Variants in CALN1 observed in about 807,000 individuals in gnomAD.
The protein encoded by CALN1 is calcium-binding protein 8.
A neutral mutation model predicts 30.6 loss-of-function variants in CALN1; 17 were observed. The ratio of observed to expected loss-of-function variants is 0.56; its 90% CI spans 0.38 to 0.83. The LOEUF is 0.83. CALN1 is among the 40% of genes least tolerant of loss of function. The pLI is 0.00. For synonymous variants in CALN1, 156 were observed against 131.4 expected (o/e 1.19, Z -1.28); for missense variants, 291 against 354.9 (o/e 0.82, Z 1.45).
intron 4 of CALN1, among the ~76,000 whole-genome samples, chr7:72,093,494 T>G (rs1806009691): frequency 6.6e-6 from 1 of 152,208 alleles, no homozygotes; most frequent in South Asian, 2.1e-4. Flanking sequence ...AAGGGGATAC[T>G]AGTATCTACT....
chr7:72,203,205 G>A (rs1791563588), intron 3 of CALN1, among the ~76,000 whole-genome samples: 1 of 152,104 alleles, frequency 6.6e-6, no homozygotes, highest in South Asian at 2.1e-4. Flanking sequence ...GGCAAGGGGA[G>A]GGAGAGCATT....
intron 3 of CALN1, among the ~76,000 whole-genome samples, chr7:72,258,531 G>A (rs1440291600): frequency 6.6e-6 from 1 of 152,168 alleles, no homozygotes; most frequent in Non-Finnish European, 1.5e-5. Flanking sequence ...GTGACTTTTT[G>A]AACTCAACAT....
chr7:71,850,444 C>T (rs1297038985), intron 5 of CALN1, among the ~76,000 whole-genome samples: 1 of 152,230 alleles, frequency 6.6e-6, no homozygotes, highest in Admixed American at 6.5e-5. Flanking sequence ...TCTCGAACTC[C>T]TGACCTCAGA....
At chr7:71,852,461 A>T (rs1360247711) in intron 5 of CALN1, among the ~76,000 whole-genome samples, 2 of 134,226 alleles carry the variant, frequency 1.5e-5, no homozygotes, top group African/African-American at 6.1e-5. Context: ...TTATAGTGAG[A>T]CCCTGTCTCT....
At chr7:72,055,297 T>C (rs1339435959) in intron 4 of CALN1, among the ~76,000 whole-genome samples, 3 of 152,336 alleles carry the variant, frequency 2.0e-5, no homozygotes, top group African/African-American at 7.2e-5. Context: ...TCCATCATTT[T>C]AACCAAGCTG....
chr7:72,061,645 T>C (rs1803655091), intron 4 of CALN1, among the ~76,000 whole-genome samples: 1 of 151,828 alleles, frequency 6.6e-6, no homozygotes, highest in Non-Finnish European at 1.5e-5. Flanking sequence ...TCTCCTCTTC[T>C]TCTATGATTA....
At chr7:71,887,252 C>T (rs1792965896) in intron 5 of CALN1, among the ~76,000 whole-genome samples, 1 of 152,102 alleles carries the variant, frequency 6.6e-6, no homozygotes, top group Non-Finnish European at 1.5e-5. Flanking sequence ...AAGTCAAGTG[C>T]ACCAGGCACA....
intron 3 of CALN1, among the ~76,000 whole-genome samples, chr7:72,180,619 T>G (rs549850306): frequency 6.7e-6 from 1 of 149,182 alleles, no homozygotes; most frequent in East Asian, 2.0e-4. Context: ...TTTTTTTTTT[T>G]TTTTTAGAGA....
At chr7:72,043,006 T>C (rs1399813497) in intron 4 of CALN1, among the ~76,000 whole-genome samples, 1 of 152,150 alleles carries the variant, frequency 6.6e-6, no homozygotes. Flanking sequence ...CAAAAATTTA[T>C]AGAAATAAAC....
chr7:72,386,300 C>A (rs2129561132), intron 2 of CALN1, among the ~76,000 whole-genome samples: 1 of 152,204 alleles, frequency 6.6e-6, no homozygotes, highest in Non-Finnish European at 1.5e-5. Flanking sequence ...TGTGACAAAT[C>A]AATCTGTGTT....
chr7:71,867,067 T>C (rs558982503), intron 5 of CALN1, among the ~76,000 whole-genome samples: 90 of 151,324 alleles, frequency 5.9e-4, no homozygotes, highest in Non-Finnish European at 1.1e-3. Context: ...ATCGCTTGAA[T>C]CCGGGAGGCA....
At chr7:71,923,369 C>G (rs1377415469) in intron 5 of CALN1, among the ~76,000 whole-genome samples, 1 of 152,188 alleles carries the variant, frequency 6.6e-6, no homozygotes, top group Non-Finnish European at 1.5e-5. Context: ...GGAGAACTAG[C>G]TAGCTTGAAG....
chr7:72,138,993 A>T (rs998104629), intron 3 of CALN1, among the ~76,000 whole-genome samples: 2 of 152,202 alleles, frequency 1.3e-5, no homozygotes, highest in Non-Finnish European at 2.9e-5. Flanking sequence ...CTAGCGTTCA[A>T]TCTCAAAAAT....
chr7:71,795,319 C>T (rs547485188), intron 6 of CALN1, among the ~76,000 whole-genome samples: 1 of 152,226 alleles, frequency 6.6e-6, no homozygotes, highest in African/African-American at 2.4e-5. Context: ...TGTGCGTGCC[C>T]GGCCATCTTC....
intron 1 of CALN1, among the ~76,000 whole-genome samples, chr7:72,410,078 C>T (rs963000881): frequency 1.3e-5 from 2 of 152,092 alleles, no homozygotes; most frequent in African/African-American, 2.4e-5. Context: ...TTCCATTGTG[C>T]GGGTCATGCC....
intron 2 of CALN1, among the ~76,000 whole-genome samples, chr7:72,311,074 C>T (rs1377810142): frequency 6.6e-6 from 1 of 152,006 alleles, no homozygotes. Context: ...CCTCCTCCAC[C>T]TCTTCCGACT....
intron 5 of CALN1, among the ~76,000 whole-genome samples, chr7:71,883,015 T>C (rs1477452075): frequency 2.0e-5 from 3 of 152,134 alleles, no homozygotes; most frequent in Non-Finnish European, 4.4e-5. Context: ...ACACCCAGCC[T>C]CATCTTACTT....
At chr7:72,038,729 A>C (rs998433009) in intron 4 of CALN1, among the ~76,000 whole-genome samples, 26 of 152,302 alleles carry the variant, frequency 1.7e-4, no homozygotes, top group African/African-American at 6.0e-4. Flanking sequence ...TGGCAACGAG[A>C]GTGACCTCTG....
chr7:71,833,867 T>C (rs1461469442), intron 5 of CALN1, among the ~76,000 whole-genome samples: 2 of 152,074 alleles, frequency 1.3e-5, no homozygotes, highest in Admixed American at 1.3e-4. Flanking sequence ...ATGATTGTGC[T>C]ACTGTACCCT....
Sources: gnomAD v4.1 joint callset for allele counts (sites outside exome capture counted in the v4.1 genomes callset) on GRCh38, gnomAD v4.1.1 for gene constraint, MANE v1.5 for transcripts, NCBI Gene and HGNC (gene_info 2026-07-23, HGNC 2026-07-21) for gene names.